SIGLEC1: variants seen among roughly 807,000 people sequenced by gnomAD.
The protein encoded by SIGLEC1 is sialoadhesin.
A neutral mutation model predicts 148.0 loss-of-function variants in SIGLEC1; 132 were observed. The observed-to-expected ratio is 0.89, with a 90% CI of 0.77 to 1.03. The LOEUF (loss-of-function observed/expected upper bound fraction) is 1.03. SIGLEC1 is among the 50% of genes least tolerant of loss of function. The probability of loss-of-function intolerance (pLI) is 0.00; values close to 1 mark genes in which losing one functional copy is unlikely to be tolerated. For missense variants in SIGLEC1, 2,253 were observed against 2,271.4 expected, an observed-to-expected ratio of 0.99 and a Z score of 0.16; for synonymous variants, 945 against 969.0, an observed-to-expected ratio of 0.98 and a Z score of 0.46.
intron 11 of SIGLEC1, among the ~76,000 whole-genome samples, chr20:3,696,129 T>TATACACAC (rs11087599): frequency 7.7e-3 from 1,097 of 142,490 alleles, no homozygotes; most frequent in Admixed American, 0.01. Flanking sequence ...ACTATATATA[T>TATACACAC]ACACACACAC....
chr20:3,694,501 C>A lies in SIGLEC1; in HGVS notation c.2976G>T (p.Leu992=). 1 of 1,578,912 alleles carries A rather than the reference C, an allele frequency of 6.3e-7. No homozygotes were observed. The highest frequency in any genetic ancestry group is 8.6e-7 in the Non-Finnish European group (1 of 1,159,862). Residue 992 remains leucine (L), a synonymous_variant, in exon 13 of 22, where the codon CTG becomes CTT. Coordinates refer to ENST00000344754, the MANE Select transcript of SIGLEC1 (RefSeq NM_023068.4). ...CCAGTCGTCCAGGGCCTGTGTCCAT[C>A]AGGGTAGTGAGTGTGACGTGGCGTG... The part of the protein sequence containing the change: ...YAPRHVTLTT[L]MDTGPGRLGL...
intron 4 of SIGLEC1, among the ~76,000 whole-genome samples, chr20:3,704,558 A>G (rs1410591246): frequency 6.6e-6 from 1 of 152,244 alleles, no homozygotes; most frequent in African/African-American, 2.4e-5. Context: ...GGCCAACAAC[A>G]CAAAGAACTG....
rs200607084 is a variant in SIGLEC1, at chr20:3,697,295, C to T, written c.2170G>A (p.Glu724Lys). The T allele has an allele frequency of 5.7e-5, 92 of 1,613,970 alleles. No homozygotes were observed. Among genetic ancestry groups the T allele is most frequent in the Admixed American group, 3.0e-4 (18 of 60,026 alleles). The stretch of plus-strand genomic sequence containing the variant: ...CTCACGTTGCAAGTCAAGTTGGCTT[C>T]TGTGCCCTCCTGAAGTGTGTGTGAT... Reference protein sequence around the residue: ...APSHTLQEGTEANLTCNVSRE... With the variant: ...APSHTLQEGTKANLTCNVSRE... Residue 724 changes from glutamate (E) to lysine (K), a missense_variant, in exon 10 of 22, where the codon GAA (glutamate) becomes AAA (lysine). Physicochemically the swap from Glu to Lys is moderately conservative, Grantham distance 56. Coordinates refer to ENST00000344754, the MANE Select transcript of SIGLEC1 (RefSeq NM_023068.4).
Position 3,694,916 on chromosome 20 carries a change from C to T in SIGLEC1, c.2691G>A (p.Trp897Ter), listed in dbSNP as rs758731943. 4 of 1,610,818 alleles carry T rather than the reference C, an allele frequency of 2.5e-6. No homozygotes were observed. The Admixed American group carries it at 6.7e-5, about 27-fold the overall frequency. Residue 897 changes from tryptophan to a stop codon, truncating the protein, a stop_gained, in exon 12 of 22, where the codon TGG (tryptophan) becomes TGA (stop). Transcript: ENST00000344754. LOFTEE classifies it high-confidence loss of function. The part of the protein sequence containing the change: ...TSLFFQVRGA[W>*]VQVSPSPELQ... ...GCTCAGGTGATGGTGACACCTGGACCCAGGCTCCTGCAGGGGAAAACCAAG... is the reference window on the plus strand; with the variant it reads ...GCTCAGGTGATGGTGACACCTGGACTCAGGCTCCTGCAGGGGAAAACCAAG...
At chr20:3,703,023 A>C in intron 6 of SIGLEC1, 174 bp downstream of exon 6, 1 of 648,180 alleles carries the variant, frequency 1.5e-6, no homozygotes, top group African/African-American at 1.8e-5. Context: ...AATAGGAGGG[A>C]ACTAGGGAGG....
chr20:3,688,538 G>T lies in SIGLEC1; in HGVS notation c.*22C>A. 6.3e-7 allele frequency: 1 copy of T among 1,579,148 alleles called. No individual in the cohort carries two copies. Among genetic ancestry groups the T allele is most frequent in the Non-Finnish European group, 8.6e-7 (1 of 1,159,692 alleles). ...ACAGATTCTGGCCACTTTCTCCTCC[G>T]GAGGGCAGGCAACACCACTGGTCAG... On this transcript the variant is annotated 3_prime_UTR_variant, in exon 22 of 22. Coordinates refer to ENST00000344754, the MANE Select transcript of SIGLEC1 (RefSeq NM_023068.4).
intron 4 of SIGLEC1, among the ~76,000 whole-genome samples, chr20:3,705,452 A>G (rs760836108): frequency 1.3e-5 from 2 of 152,130 alleles, no homozygotes; most frequent in Non-Finnish European, 2.9e-5. Context: ...CTTGCTGCCA[A>G]CCCTGAAGCT....
rs1386393294 is a variant in SIGLEC1 at position 3,697,003 on chromosome 20, C to T, written c.2380+82G>A. On this transcript the variant is annotated intron_variant, in intron 10 of 21. Coordinates refer to ENST00000344754, the MANE Select transcript of SIGLEC1 (RefSeq NM_023068.4). The stretch of plus-strand genomic sequence containing the variant: ...AGCCTAAGCCATGCTCTTTCCTCCC[C>T]AAACCCCAGCCCGGCCCCTGCTTCT... 7.7e-6 allele frequency: 12 copies of T among 1,559,934 alleles called. No homozygotes were observed. In the Admixed American group the frequency reaches 1.4e-4, roughly 18 times the overall value.
At chr20:3,696,547 C>A (rs201147186) in intron 11 of SIGLEC1, 39 bp downstream of exon 11, 1 of 1,553,364 alleles carries the variant, frequency 6.4e-7, no homozygotes, top group Non-Finnish European at 8.7e-7. Context: ...GTCCCCAGGG[C>A]ATCAGAGTCT....
At chr20:3,692,433 G>A (rs1053569970) in intron 16 of SIGLEC1, 88 bp downstream of exon 16, 6 of 1,419,970 alleles carry the variant, frequency 4.2e-6, no homozygotes, top group Admixed American at 2.4e-5. Flanking sequence ...TGGGCCCACT[G>A]CAGTCCTTTG....
intron 20 of SIGLEC1, 42 bp downstream of exon 20, chr20:3,689,558 C>T: frequency 2.1e-6 from 3 of 1,405,806 alleles, no homozygotes; most frequent in Non-Finnish European, 2.9e-6. Flanking sequence ...AGGTGGGCTG[C>T]CTTACCCCAA....
chr20:3,704,794 T>A (rs1485547113), intron 4 of SIGLEC1, among the ~76,000 whole-genome samples: 1 of 103,792 alleles, frequency 9.6e-6, no homozygotes. Flanking sequence ...TTTTTGTTTT[T>A]TAATTTTTTT....
In SIGLEC1 at chr20:3,690,099, T is replaced by C; in HGVS notation, c.4757A>G (p.His1586Arg). Residue 1586 changes from histidine (H) to arginine (R), a missense_variant, in exon 19 of 22, where the codon CAC (histidine) becomes CGC (arginine). His to Arg is a conservative substitution (Grantham distance 29). Transcript: ENST00000344754. ...ATTGGGGGAAGCCAGGACATGGATGTGTGGCTCTGCAGGAGCACCCTGGGG... is the reference window on the plus strand; with the variant it reads ...ATTGGGGGAAGCCAGGACATGGATGCGTGGCTCTGCAGGAGCACCCTGGGG... ...SQPQGAPAEP[H>R]IHVLASPNAL... The C allele has an allele frequency of 5.0e-6, 8 of 1,611,514 alleles. No homozygotes were observed. The highest frequency in any genetic ancestry group is 6.8e-6 in the Non-Finnish European group (8 of 1,179,278).
At chr20:3,689,282 C>T in intron 20 of SIGLEC1, 55 bp from the exon 21 acceptor site, 1 of 1,458,750 alleles carries the variant, frequency 6.9e-7, no homozygotes, top group Non-Finnish European at 9.6e-7. Context: ...CTCCTGCCCC[C>T]ATTCCTCTCC....
In SIGLEC1 at chr20:3,692,740, C is replaced by T. The variant is rs200722460; in HGVS notation, c.3811G>A (p.Val1271Met). 6.2e-6 allele frequency: 10 copies of T among 1,611,514 alleles called. No homozygotes were observed. Among genetic ancestry groups the T allele is most frequent in the African/African-American group, 4.0e-5 (3 of 74,930 alleles). Residue 1271 changes from valine (V) to methionine (M), a missense_variant, in exon 16 of 22, where the codon GTG becomes ATG. Transcript: ENST00000344754. Reference protein sequence around the residue: ...VRVILAPEAAVPEGAPITVTC... With the variant: ...VRVILAPEAAMPEGAPITVTC... Reference sequence around the variant, plus strand: ...ACTGTGATGGGGGCACCTTCAGGCACGGCAGCCTCCGGAGCCAGGATCACC... The same window carrying T: ...ACTGTGATGGGGGCACCTTCAGGCATGGCAGCCTCCGGAGCCAGGATCACC...
At position 3,701,454 on chromosome 20, in the gene SIGLEC1, G is replaced by C; in HGVS notation, c.1416C>G (p.Asn472Lys). 1 of 1,614,140 alleles carries C rather than the reference G, an allele frequency of 6.2e-7. No individual in the cohort carries two copies. Among genetic ancestry groups the C allele is most frequent in the Non-Finnish European group, 8.5e-7 (1 of 1,180,032 alleles). Reference protein sequence around the residue: ...SPRFSGTSGPNSLRLEIRDLE... With the variant: ...SPRFSGTSGPKSLRLEIRDLE... ...GGTCTCGGATCTCCAGGCGCAGGGA[G>C]TTGGGACCAGAGGTACCACTGAAGC... is the stretch of plus-strand genomic sequence containing the variant. The change falls in exon 7 of 22, where the codon AAC becomes AAG. Residue 472 changes from asparagine (N) to lysine (K), a missense_variant. Coordinates refer to ENST00000344754, the MANE Select transcript of SIGLEC1 (RefSeq NM_023068.4).
chr20:3,701,638 G>A lies in SIGLEC1; in HGVS notation c.1232C>T (p.Pro411Leu), dbSNP rs1156486117. The A allele has an allele frequency of 1.2e-5, 19 of 1,556,346 alleles. 1 individual carries two copies. The highest frequency in any genetic ancestry group is 1.7e-4 in the Middle Eastern group (1 of 5,734). ...SGPVSVVVNH[P>L]PLTPVLTAFL... ...GGCTGTCAGGACTGGAGTGAGAGGC[G>A]GGTCTGTGTGGAGACGAGAGGTGGG... is the stretch of plus-strand genomic sequence containing the variant. The change falls in exon 7 of 22, where the codon CCG (proline) becomes CTG (leucine). Residue 411 changes from proline (P) to leucine (L), a missense_variant. By Grantham distance (98) the Pro-to-Leu change is moderately conservative. Transcript: ENST00000344754.
At position 3,688,495 on chromosome 20, in the gene SIGLEC1, T is replaced by A. The variant is rs373360700; in HGVS notation, c.*65A>T. ...GGACTCAACACTGCCTCATTCACAT[T>A]CATAGGCTGGAGTCATCACAGATTC... On this transcript the variant is annotated 3_prime_UTR_variant, in exon 22 of 22. Transcript: ENST00000344754. The A allele has an allele frequency of 1.7e-5, 23 of 1,337,874 alleles. No individual in the cohort carries two copies. The highest frequency in any genetic ancestry group is 4.4e-5 in the African/African-American group (3 of 68,914). The allele number at this position is 1,337,874 out of a possible 1,614,324, so 82.9% of individuals were successfully genotyped here.
At chr20:3,711,031 A>C (rs1016580265) in intron 1 of SIGLEC1, among the ~76,000 whole-genome samples, 2 of 152,130 alleles carry the variant, frequency 1.3e-5, no homozygotes, top group Non-Finnish European at 2.9e-5. Flanking sequence ...CGCCCCCCGC[A>C]ACTTGGGTTG....
Sources: allele counts gnomAD v4.1 joint callset (sites outside exome capture counted in the v4.1 genomes callset), GRCh38; gene constraint gnomAD v4.1.1; transcripts MANE v1.5; gene names NCBI Gene and HGNC (gene_info 2026-07-23, HGNC 2026-07-21).